Variants in ZFHX3 observed in about 807,000 individuals in gnomAD.
The protein encoded by ZFHX3 is zinc finger homeobox 3, also known as zinc finger homeobox protein 3.
ZFHX3 carries 42 observed loss-of-function variants against 279.1 expected under a neutral mutation model. The observed-to-expected ratio is 0.15, with a 90% CI of 0.12 to 0.19. ZFHX3 has a LOEUF of 0.19. ZFHX3 is among the 10% of genes least tolerant of loss of function. The pLI is 1.00. For missense variants in ZFHX3, 4,981 were observed against 4,754.0 expected (o/e 1.05, Z -1.40); for synonymous variants, 2,293 against 1,957.8 (o/e 1.17, Z -4.52).
At chr16:73,294,001 A>C (rs1009524341) in intron 4 of ZFHX3, 7 of 151,456 alleles carry the variant, frequency 4.6e-5, no homozygotes, top group Middle Eastern at 3.4e-3. Context: ...AAAAAAAAAA[A>C]AAAAAAAAAA....
intron 1 of ZFHX3, among the ~76,000 whole-genome samples, chr16:73,730,352 C>CAAAAAAAAAAAAAAAAAA (rs66477968): frequency 1.2e-5 from 1 of 81,166 alleles, no homozygotes; most frequent in African/African-American, 5.1e-5. Context: ...CCTCCCCTCG[C>CAAAAAAAAAAAAAAAAAA]AAAAAAAAAA....
chr16:73,759,027 G>T (rs1287875545), intron 1 of ZFHX3, among the ~76,000 whole-genome samples: 1 of 152,194 alleles, frequency 6.6e-6, no homozygotes, highest in East Asian at 1.9e-4. Context: ...GTTAACCACT[G>T]TGCTTTCCCC....
At chr16:72,917,527 C>T (rs2039471753) in intron 3 of ZFHX3, among the ~76,000 whole-genome samples, 1 of 152,210 alleles carries the variant, frequency 6.6e-6, no homozygotes, top group Non-Finnish European at 1.5e-5. Flanking sequence ...TAAATTGCAG[C>T]ACCTTCATAC....
chr16:73,185,732 C>T (rs1431234416), intron 5 of ZFHX3, among the ~76,000 whole-genome samples: 1 of 152,046 alleles, frequency 6.6e-6, no homozygotes, highest in East Asian at 1.9e-4. Context: ...AATAATGACA[C>T]GAGATGAAAT....
intron 3 of ZFHX3, among the ~76,000 whole-genome samples, chr16:72,921,569 TC>T (rs1391116647): frequency 1.3e-5 from 2 of 152,202 alleles, no homozygotes; most frequent in Non-Finnish European, 2.9e-5. Flanking sequence ...ATTCTTATTC[TC>T]TGATGAAAGC....
At chr16:72,863,517 G>A (rs1278884317) in intron 4 of ZFHX3, among the ~76,000 whole-genome samples, 1 of 145,762 alleles carries the variant, frequency 6.9e-6, no homozygotes, top group Non-Finnish European at 1.5e-5. Context: ...GAGAGAGAGA[G>A]AGACAGAGAC....
Position 73,395,681 on chromosome 16 carries a change from TA to T in ZFHX3, c.-1291+60321del, listed in dbSNP as rs557180408. Among the ~76,000 whole-genome samples, 43 of 152,190 alleles carry T rather than the reference TA, an allele frequency of 2.8e-4. No individual in the cohort carries two copies. The East Asian group carries it at 7.9e-3, about 28-fold the overall frequency. On this transcript the variant is annotated intron_variant, in intron 3 of 17. Transcript: ENST00000641206. ...TTATTAAAGCCCCTATATGGCTACA[TA>T]AAAAGACACCAATTGTTTTTCTTTC...
chr16:73,857,934 G>A (rs752300742), intron 1 of ZFHX3, among the ~76,000 whole-genome samples: 9 of 152,010 alleles, frequency 5.9e-5, no homozygotes, highest in Middle Eastern at 3.4e-3. Flanking sequence ...TGGTGAAACC[G>A]AAGATACAAA....
intron 3 of ZFHX3, among the ~76,000 whole-genome samples, chr16:73,406,363 A>G (rs2017360624): frequency 6.6e-6 from 1 of 152,202 alleles, no homozygotes. Flanking sequence ...AGGAACCGTC[A>G]CAGAGTTACA....
At chr16:73,540,500 C>G (rs960072945) in intron 2 of ZFHX3, among the ~76,000 whole-genome samples, 7 of 152,156 alleles carry the variant, frequency 4.6e-5, no homozygotes, top group Non-Finnish European at 1.0e-4. Context: ...CATTGTCCAG[C>G]CTTAACAGAG....
intron 5 of ZFHX3, among the ~76,000 whole-genome samples, chr16:73,238,924 C>T (rs903088877): frequency 5.3e-5 from 8 of 152,138 alleles, no homozygotes; most frequent in East Asian, 3.9e-4. Context: ...ATTTCTCCCC[C>T]GACCGAAACC....
intron 2 of ZFHX3, among the ~76,000 whole-genome samples, chr16:73,561,032 G>T (rs966952): frequency 0.043 from 6,545 of 152,296 alleles, 507 homozygotes; most frequent in African/African-American, 0.15. Context: ...GAAATAATAT[G>T]TTAAAATATT....
chr16:72,992,190 A>C (rs1963119077), intron 1 of ZFHX3, among the ~76,000 whole-genome samples: 1 of 152,190 alleles, frequency 6.6e-6, no homozygotes, highest in Non-Finnish European at 1.5e-5. Flanking sequence ...CAGAGCCTCC[A>C]AAATGAAAGC....
intron 2 of ZFHX3, among the ~76,000 whole-genome samples, chr16:73,647,195 G>A (rs1378182341): frequency 6.6e-6 from 1 of 152,008 alleles, no homozygotes; most frequent in Non-Finnish European, 1.5e-5. Flanking sequence ...TGTATTTTTA[G>A]TAGAGACGGG....
intron 7 of ZFHX3, among the ~76,000 whole-genome samples, chr16:73,096,136 TC>T (rs1467843300): frequency 4.6e-5 from 7 of 152,048 alleles, no homozygotes; most frequent in Non-Finnish European, 8.8e-5. Context: ...GTGATTACAG[TC>T]CCCCAGGGAC....
intron 5 of ZFHX3, among the ~76,000 whole-genome samples, chr16:73,175,173 A>G (rs992714021): frequency 6.6e-6 from 1 of 152,128 alleles, no homozygotes; most frequent in Non-Finnish European, 1.5e-5. Context: ...TGAGGTCAGG[A>G]GTTCGAGACC....
intron 2 of ZFHX3, among the ~76,000 whole-genome samples, chr16:73,515,448 GAGAA>G (rs1172453362): frequency 1.4e-5 from 2 of 148,108 alleles, no homozygotes; most frequent in African/African-American, 2.6e-5. Flanking sequence ...GAAGAGAGAG[GAGAA>G]AGAGAGAGAT....
At chr16:73,228,124 A>G (rs2012662019) in intron 5 of ZFHX3, among the ~76,000 whole-genome samples, 1 of 152,180 alleles carries the variant, frequency 6.6e-6, no homozygotes, top group Non-Finnish European at 1.5e-5. Flanking sequence ...CTATACAAGT[A>G]CTTAGCCATC....
chr16:73,615,601 T>C (rs539618472), intron 2 of ZFHX3, among the ~76,000 whole-genome samples: 4 of 152,308 alleles, frequency 2.6e-5, no homozygotes, highest in South Asian at 4.1e-4. Flanking sequence ...AAATCCCAAA[T>C]TGAAGAGAGT....
Sources: allele counts gnomAD v4.1 joint callset (sites outside exome capture counted in the v4.1 genomes callset), GRCh38; gene constraint gnomAD v4.1.1; transcripts MANE v1.5; gene names NCBI Gene and HGNC (gene_info 2026-07-23, HGNC 2026-07-21).